Variants in ZNF551 observed in about 807,000 individuals in gnomAD.
ZNF551 encodes the protein zinc finger protein 551.
Under a neutral mutation model 7.9 loss-of-function variants are expected in ZNF551, and 5 were observed. The observed-to-expected ratio is 0.63, with a 90% CI of 0.33 to 1.33. The LOEUF is 1.33. ZNF551 is among the 40% of genes most tolerant of loss of function. ZNF551 has a pLI of 0.05. For missense variants in ZNF551, 788 were observed against 825.2 expected (o/e 0.95, Z 0.55); for synonymous variants, 287 against 277.3 (o/e 1.03, Z -0.35).
chr19:57,686,866 A>C lies in ZNF551; in HGVS notation c.591A>C (p.Glu197Asp), dbSNP rs748346679. The C allele has an allele frequency of 1.2e-6, 2 of 1,614,050 alleles. No individual in the cohort carries two copies. The highest frequency in any genetic ancestry group is 2.2e-5 in the East Asian group (1 of 44,898). The change falls in exon 3 of 3, where the codon GAA becomes GAC. Residue 197 changes from glutamate (E) to aspartate (D), a missense_variant. Physicochemically the swap from Glu to Asp is conservative, Grantham distance 45 (BLOSUM62 2). Coordinates refer to ENST00000282296, the MANE Select transcript of ZNF551 (RefSeq NM_138347.5). ...FPAPTDLLQHEATPSGEEPHS... is the reference protein window; with the variant it reads ...FPAPTDLLQHDATPSGEEPHS... ...CCCCCACGGACCTACTCCAACACGA[A>C]GCCACTCCCAGTGGTGAGGAGCCAC...
intron 1 of ZNF551, among the ~76,000 whole-genome samples, chr19:57,684,746 G>A (rs1442213206): frequency 6.6e-6 from 1 of 152,138 alleles, no homozygotes; most frequent in Admixed American, 6.5e-5. Flanking sequence ...TCCCAATCAT[G>A]GAAAAGCTGT....
chr19:57,685,346 G>C lies in ZNF551; in HGVS notation c.166G>C (p.Asp56His). The C allele has an allele frequency of 6.2e-7, 1 of 1,614,114 alleles. No homozygotes were observed. The highest frequency in any genetic ancestry group is 8.5e-7 in the Non-Finnish European group (1 of 1,179,976). ...TGAGTCTCAGAGGTTCCTGTACTGC[G>C]ATGTGATGCTGGAGAACTTTGCACA... Reference protein sequence around the residue: ...LDESQRFLYCDVMLENFAHVT... With the variant: ...LDESQRFLYCHVMLENFAHVT... The change falls in exon 2 of 3, where the codon GAT becomes CAT. Residue 56 changes from aspartate to histidine, a missense_variant. Transcript: ENST00000282296.
In ZNF551 at chr19:57,682,167, C is replaced by T. The variant is rs1984403876; in HGVS notation, c.4C>T (p.Pro2Ser). The change falls in exon 1 of 3, where the codon CCC becomes TCC. Residue 2 changes from proline to serine, a missense_variant. Pro to Ser is a moderately conservative substitution (Grantham distance 74). Transcript: ENST00000282296. M[P>S]APVGRRSPPS... Reference sequence around the variant, plus strand: ...GGATAGGGACTGTTGTGTTCGAATGCCCGCCCCGGTCGGCCGCCGCTCCCC... The same window carrying T: ...GGATAGGGACTGTTGTGTTCGAATGTCCGCCCCGGTCGGCCGCCGCTCCCC... The T allele has an allele frequency of 2.6e-6, 4 of 1,548,498 alleles. No individual in the cohort carries two copies. The highest frequency in any genetic ancestry group is 2.7e-5 in the African/African-American group (2 of 73,178).
In ZNF551 at chr19:57,687,376, G is replaced by C; in HGVS notation, c.1101G>C (p.Glu367Asp). 1.2e-6 allele frequency: 2 copies of C among 1,612,870 alleles called. No individual in the cohort carries two copies. The highest frequency in any genetic ancestry group is 1.7e-6 in the Non-Finnish European group (2 of 1,179,554). The change falls in exon 3 of 3, where the codon GAG becomes GAC. Residue 367 changes from glutamate (E) to aspartate (D), a missense_variant. Coordinates refer to ENST00000282296, the MANE Select transcript of ZNF551 (RefSeq NM_138347.5). ...HTGERPYECG[E>D]CGKSFRQSSS... ...GAGAAAGGCCTTATGAATGTGGCGA[G>C]TGCGGGAAATCCTTTAGACAAAGCT...
In ZNF551 at chr19:57,688,883, G is replaced by T. The variant is rs950125100; in HGVS notation, c.*595G>T. On this transcript the variant is annotated 3_prime_UTR_variant, in exon 3 of 3. Transcript: ENST00000282296. ...AAAATTTACGCACCTTTAATCTTGG[G>T]TGTTCTATTCATTGCATAGAATGAC... is the stretch of plus-strand genomic sequence containing the variant. 1.9e-5 allele frequency: 3 copies of T among 154,414 alleles called. No homozygotes were observed. The highest frequency in any genetic ancestry group is 7.2e-5 in the African/African-American group (3 of 41,426). The allele number at this position is 154,414 out of a possible 1,614,324, so 9.6% of individuals were successfully genotyped here. A position where few individuals can be genotyped will look rare whatever the true frequency, so the allele number is the denominator to read the frequency against.
At position 57,689,431 on chromosome 19, in the gene ZNF551, A is replaced by G. The variant is rs1314539002; in HGVS notation, c.*1143A>G. 6.6e-6 allele frequency: 1 copy of G among 152,216 alleles called. No individual in the cohort carries two copies. Among genetic ancestry groups the G allele is most frequent in the Non-Finnish European group, 1.5e-5 (1 of 68,034 alleles). The allele number at this position is 152,216 out of a possible 1,614,324, so 9.4% of individuals were successfully genotyped here. ...TGACTCTTCTAAAAGTTCATCTACA[A>G]ATTTTCCAGTGAATATGGTTGTGTA... On this transcript the variant is annotated 3_prime_UTR_variant, in exon 3 of 3. Coordinates refer to ENST00000282296, the MANE Select transcript of ZNF551 (RefSeq NM_138347.5).
chr19:57,688,130 C>G lies in ZNF551; in HGVS notation c.1855C>G (p.Gln619Glu), dbSNP rs1449693499. The change falls in exon 3 of 3, where the codon CAA becomes GAA. Residue 619 changes from glutamine (Q) to glutamate (E), a missense_variant. Gln to Glu is a conservative substitution (Grantham distance 29). Transcript: ENST00000282296. Reference protein sequence around the residue: ...HTGERPYECSQCGKPFTHKSD... With the variant: ...HTGERPYECSECGKPFTHKSD... ...TGGAGAAAGACCTTATGAGTGCAGT[C>G]AATGTGGGAAACCCTTTACCCACAA... 6.2e-7 allele frequency: 1 copy of G among 1,612,364 alleles called. No individual in the cohort carries two copies. The highest frequency in any genetic ancestry group is 1.7e-5 in the Admixed American group (1 of 59,856).
Position 57,686,821 on chromosome 19 carries a change from C to T in ZNF551, c.546C>T (p.Thr182=), listed in dbSNP as rs760564218. The T allele has an allele frequency of 2.5e-6, 4 of 1,614,234 alleles. No homozygotes were observed. The highest frequency in any genetic ancestry group is 3.4e-6 in the Non-Finnish European group (4 of 1,180,034). Residue 182 remains threonine, a synonymous_variant, in exon 3 of 3, where the codon ACC becomes ACT. Coordinates refer to ENST00000282296, the MANE Select transcript of ZNF551 (RefSeq NM_138347.5). ...GATTCCATGTGTTGAATTATTTCACCTGTGGGGAGGCCTTCCCAGCCCCCA... is the reference window on the plus strand; with the variant it reads ...GATTCCATGTGTTGAATTATTTCACTTGTGGGGAGGCCTTCCCAGCCCCCA... ...GCRFHVLNYF[T]CGEAFPAPTD...
rs1291549987 is a variant in ZNF551, at chr19:57,682,126, AGCTGCGCCAGGCCC to A, written c.-36_-23del. The A allele has an allele frequency of 6.5e-7, 1 of 1,533,512 alleles. No homozygotes were observed. The highest frequency in any genetic ancestry group is 8.8e-7 in the Non-Finnish European group (1 of 1,138,746). The allele number at this position is 1,533,512 out of a possible 1,614,324, so 95.0% of individuals were successfully genotyped here. On this transcript the variant is annotated 5_prime_UTR_variant, in exon 1 of 3. Transcript: ENST00000282296. The stretch of plus-strand genomic sequence containing the variant: ...AGGTTCTGCGACACCACCTCGGGTG[AGCTGCGCCAGGCCC>A]GGGATAGGGACTGTTGTGTTCGAAT...
intron 1 of ZNF551, among the ~76,000 whole-genome samples, chr19:57,684,438 C>T (rs1984489193): frequency 6.6e-6 from 1 of 152,044 alleles, no homozygotes; most frequent in Admixed American, 6.6e-5. Context: ...GAAGTATGAA[C>T]CAAGACCCTT....
intron 2 of ZNF551, 139 bp downstream of exon 2, chr19:57,685,524 A>G (rs1984528259): frequency 7.3e-7 from 1 of 1,366,968 alleles, no homozygotes; most frequent in South Asian, 1.2e-5. Flanking sequence ...GTACAGATTC[A>G]TGGTACCTTG....
chr19:57,683,591 A>T (rs1167546191), intron 1 of ZNF551, among the ~76,000 whole-genome samples: 1 of 152,118 alleles, frequency 6.6e-6, no homozygotes, highest in East Asian at 1.9e-4. Context: ...GCCGGGGTGG[A>T]GCTGTGGATC....
chr19:57,685,488 T>C (rs768204595), intron 2 of ZNF551, 103 bp downstream of exon 2: 19 of 1,566,234 alleles, frequency 1.2e-5, no homozygotes, highest in Non-Finnish European at 1.7e-5. Flanking sequence ...TTATTTTTCT[T>C]GTCTTCCCCC....
At chr19:57,683,938 CG>C (rs1166458865) in intron 1 of ZNF551, among the ~76,000 whole-genome samples, 1 of 151,936 alleles carries the variant, frequency 6.6e-6, no homozygotes, top group Non-Finnish European at 1.5e-5. Context: ...CAGGCTGTCA[CG>C]TTATCTTAGG....
rs755485439 is a variant in ZNF551 at position 57,687,014 on chromosome 19, G to T, written c.739G>T (p.Glu247Ter). ...TGTTCAGCATCAGAGTGTCTGTTCT[G>T]AAGGAGGGCTTTATGAGTGTAGCAA... is the stretch of plus-strand genomic sequence containing the variant. ...TLVQHQSVCS[E>*]GGLYECSKCE... Residue 247 changes from glutamate (E) to a stop codon, truncating the protein, a stop_gained, in exon 3 of 3, where the codon GAA becomes TAA. Coordinates refer to ENST00000282296, the MANE Select transcript of ZNF551 (RefSeq NM_138347.5). LOFTEE classifies it low-confidence loss of function (END_TRUNC). 5.6e-6 allele frequency: 9 copies of T among 1,614,120 alleles called. No individual in the cohort carries two copies. The South Asian group carries it at 9.9e-5, about 18-fold the overall frequency.
chr19:57,686,915 C>T lies in ZNF551; in HGVS notation c.640C>T (p.Gln214Ter), dbSNP rs1288557967. 1.2e-6 allele frequency: 2 copies of T among 1,614,164 alleles called. No homozygotes were observed. The highest frequency in any genetic ancestry group is 1.7e-6 in the Non-Finnish European group (2 of 1,180,046). ...ACACAGTAGCAGCAGCAAGCATATA[C>T]AGGCATTTTTCAATGCAAAAAGTTA... ...EPHSSSSKHIQAFFNAKSYYK... is the reference protein window; with the variant it reads ...EPHSSSSKHI Residue 214 changes from glutamine (Q) to a stop codon, truncating the protein, a stop_gained, in exon 3 of 3, where the codon CAG becomes TAG. Transcript: ENST00000282296. LOFTEE classifies it low-confidence loss of function (END_TRUNC).
In ZNF551 at chr19:57,690,465, A is replaced by C. The variant is rs1295618017; in HGVS notation, c.*2177A>C. 1 of 152,194 alleles carries C rather than the reference A, an allele frequency of 6.6e-6. No individual in the cohort carries two copies. The highest frequency in any genetic ancestry group is 2.4e-5 in the African/African-American group (1 of 41,504). The allele number at this position is 152,194 out of a possible 1,614,324, so 9.4% of individuals were successfully genotyped here. A position where few individuals can be genotyped will look rare whatever the true frequency, so the allele number is the denominator to read the frequency against. Reference sequence around the variant, plus strand: ...TGTTTATATATGTGTGTGTGTATATATATATACTTACTGGTTTTCTTCATG... The same window carrying C: ...TGTTTATATATGTGTGTGTGTATATCTATATACTTACTGGTTTTCTTCATG... On this transcript the variant is annotated 3_prime_UTR_variant, in exon 3 of 3. Transcript: ENST00000282296.
chr19:57,684,921 T>G (rs1984506471), intron 1 of ZNF551, among the ~76,000 whole-genome samples: 1 of 152,112 alleles, frequency 6.6e-6, no homozygotes, highest in South Asian at 2.1e-4. Flanking sequence ...GGAAGATCAA[T>G]CTTGGGGACT....
At position 57,682,130 on chromosome 19, in the gene ZNF551, G is replaced by T; in HGVS notation, c.-34G>T. The T allele has an allele frequency of 6.5e-7, 1 of 1,535,894 alleles. No homozygotes were observed. The highest frequency in any genetic ancestry group is 8.8e-7 in the Non-Finnish European group (1 of 1,139,952). ...TCTGCGACACCACCTCGGGTGAGCT[G>T]CGCCAGGCCCGGGATAGGGACTGTT... is the stretch of plus-strand genomic sequence containing the variant. On this transcript the variant is annotated 5_prime_UTR_variant, in exon 1 of 3. Transcript: ENST00000282296.
Sources: allele counts gnomAD v4.1 joint callset (sites outside exome capture counted in the v4.1 genomes callset), GRCh38; gene constraint gnomAD v4.1.1; transcripts MANE v1.5; gene names NCBI Gene and HGNC (gene_info 2026-07-23, HGNC 2026-07-21).